The following RHBDL3 variants were observed in gnomAD, a reference collection of about 807,000 sequenced individuals.
The protein encoded by RHBDL3 is rhomboid like 3, also known as rhomboid-related protein 3.
Under a neutral mutation model 48.2 loss-of-function variants are expected in RHBDL3, and 28 were observed. The ratio of observed to expected loss-of-function variants is 0.58; its 90% confidence interval spans 0.43 to 0.80. The LOEUF is 0.80. Ranked by LOEUF, RHBDL3 falls within the 30% of genes least tolerant of loss-of-function variation. RHBDL3 has a pLI of 0.00. For synonymous variants in RHBDL3, 208 were observed against 232.3 expected (o/e 0.90, Z 0.95); for missense variants, 464 against 542.7 (o/e 0.85, Z 1.44).
At chr17:32,267,994 C>A in intron 2 of RHBDL3, 69 bp downstream of exon 2, 2 of 1,229,394 alleles carry the variant, frequency 1.6e-6, no homozygotes, top group Non-Finnish European at 2.4e-6. Flanking sequence ...TCCCTGCTTG[C>A]GTGGGCTTCC....
intron 7 of RHBDL3, among the ~76,000 whole-genome samples, chr17:32,308,831 G>GCTCCCAC (rs2040770801): frequency 6.6e-6 from 1 of 152,066 alleles, no homozygotes; most frequent in Admixed American, 6.5e-5. Flanking sequence ...ACTTTGGGAG[G>GCTCCCAC]CCGAGGCGGG....
intron 2 of RHBDL3, among the ~76,000 whole-genome samples, chr17:32,272,790 TACAC>T (rs2039803112): frequency 6.6e-6 from 1 of 152,196 alleles, no homozygotes; most frequent in African/African-American, 2.4e-5. Context: ...ACATAATAGA[TACAC>T]ACGTTTGAGC....
intron 7 of RHBDL3, among the ~76,000 whole-genome samples, chr17:32,311,907 A>G (rs1156575792): frequency 6.6e-6 from 1 of 152,248 alleles, no homozygotes; most frequent in Admixed American, 6.5e-5. Flanking sequence ...GGCAGTTGTT[A>G]TCTCAAATTC....
intron 7 of RHBDL3, among the ~76,000 whole-genome samples, chr17:32,306,029 T>C (rs1295147214): frequency 1.3e-5 from 2 of 152,104 alleles, no homozygotes; most frequent in African/African-American, 4.8e-5. Flanking sequence ...AATTCTCAAA[T>C]AGGAAAGGAG....
intron 7 of RHBDL3, among the ~76,000 whole-genome samples, chr17:32,309,767 C>A (rs948063140): frequency 8.7e-6 from 1 of 114,842 alleles, no homozygotes; most frequent in Non-Finnish European, 1.8e-5. Context: ...ATAATCAAGA[C>A]TTCTTTTTTT....
chr17:32,314,684 T>C (rs573887806), intron 7 of RHBDL3, among the ~76,000 whole-genome samples: 36 of 152,288 alleles, frequency 2.4e-4, no homozygotes, highest in African/African-American at 8.7e-4. Context: ...TGGGAAGAGA[T>C]GTCCCATTAG....
intron 6 of RHBDL3, among the ~76,000 whole-genome samples, chr17:32,302,351 T>C (rs1045513965): frequency 2.0e-5 from 3 of 152,102 alleles, no homozygotes; most frequent in Admixed American, 2.0e-4. Flanking sequence ...GTCTGCTTTT[T>C]TTTAGTTTTT....
intron 4 of RHBDL3, among the ~76,000 whole-genome samples, chr17:32,289,903 TC>T (rs1163221543): frequency 6.6e-6 from 1 of 152,254 alleles, no homozygotes; most frequent in Middle Eastern, 3.2e-3. Flanking sequence ...ATCCTTCTTT[TC>T]TTCTAAGTCA....
intron 2 of RHBDL3, among the ~76,000 whole-genome samples, chr17:32,277,362 C>T (rs1481246547): frequency 6.6e-6 from 1 of 152,244 alleles, no homozygotes; most frequent in Non-Finnish European, 1.5e-5. Flanking sequence ...AGAGGTATGT[C>T]CTTCTCTCTC....
chr17:32,303,889 G>A (rs1164592752), intron 6 of RHBDL3, among the ~76,000 whole-genome samples: 1 of 152,074 alleles, frequency 6.6e-6, no homozygotes, highest in Non-Finnish European at 1.5e-5. Flanking sequence ...GCAGAATTTG[G>A]CTTTCTGCCT....
intron 2 of RHBDL3, chr17:32,280,678 A>G (rs2150702119): frequency 6.6e-6 from 1 of 152,186 alleles, no homozygotes; most frequent in East Asian, 1.9e-4. Flanking sequence ...TTTGCTGTAA[A>G]TGACACAAAC....
At position 32,265,882 on chromosome 17, in the gene RHBDL3, C is replaced by T. The variant is rs1285548277; in HGVS notation, c.-308C>T. Among the ~76,000 whole-genome samples, 1 of 146,846 alleles carries T rather than the reference C, an allele frequency of 6.8e-6. No homozygotes were observed. The highest frequency in any genetic ancestry group is 1.5e-5 in the Non-Finnish European group (1 of 65,904). ...GAAGGGAGCGCGGGGAGCGGCGGGG[C>T]CGGGGCCGGCCCAAGGGCGCCCTCG... On this transcript the variant is annotated 5_prime_UTR_variant, in exon 1 of 9. Coordinates refer to ENST00000269051, the MANE Select transcript of RHBDL3 (RefSeq NM_138328.3).
chr17:32,285,991 C>A (rs754550189), intron 3 of RHBDL3, among the ~76,000 whole-genome samples: 1 of 152,152 alleles, frequency 6.6e-6, no homozygotes, highest in African/African-American at 2.4e-5. Flanking sequence ...GTGGAGGAAT[C>A]GACTGCTGTT....
chr17:32,308,912 C>T (rs1036141160), intron 7 of RHBDL3, among the ~76,000 whole-genome samples: 4 of 151,240 alleles, frequency 2.6e-5, no homozygotes, highest in Non-Finnish European at 4.4e-5. Context: ...CTAAAAACAC[C>T]AAAATTAGCC....
intron 5 of RHBDL3, among the ~76,000 whole-genome samples, chr17:32,294,788 A>C (rs1446251066): frequency 1.4e-5 from 2 of 138,238 alleles, no homozygotes; most frequent in Non-Finnish European, 1.5e-5. Flanking sequence ...TAGAGCAAAA[A>C]GGGAGTCAAG....
chr17:32,272,448 C>T (rs1365160098), intron 2 of RHBDL3, among the ~76,000 whole-genome samples: 1 of 152,218 alleles, frequency 6.6e-6, no homozygotes, highest in Non-Finnish European at 1.5e-5. Flanking sequence ...AGAGAAAACT[C>T]CTGCCCCAGA....
chr17:32,311,165 A>G (rs1267284946), intron 7 of RHBDL3, among the ~76,000 whole-genome samples: 1 of 152,220 alleles, frequency 6.6e-6, no homozygotes, highest in Non-Finnish European at 1.5e-5. Flanking sequence ...GGTGAGTACT[A>G]TCTCACTCTT....
At chr17:32,266,324 C>G (rs1307397950) in intron 1 of RHBDL3, 24 bp downstream of exon 1, 1 of 1,326,458 alleles carries the variant, frequency 7.5e-7, no homozygotes, top group African/African-American at 1.5e-5. Context: ...CCCCGCCCGG[C>G]AAACTTTCTA....
chr17:32,315,023 G>C (rs2040937773), intron 7 of RHBDL3, among the ~76,000 whole-genome samples: 1 of 152,242 alleles, frequency 6.6e-6, no homozygotes, highest in African/African-American at 2.4e-5. Context: ...GAGAAGGGAG[G>C]AGGTGGGCAA....
Sources: allele counts gnomAD v4.1 joint callset (sites outside exome capture counted in the v4.1 genomes callset), GRCh38; gene constraint gnomAD v4.1.1; transcripts MANE v1.5; gene names NCBI Gene and HGNC (gene_info 2026-07-23, HGNC 2026-07-21).